The following FOXN3 variants were observed in gnomAD, a reference collection of about 807,000 sequenced individuals.
FOXN3 encodes forkhead box N3, also known as forkhead box protein N3.
A neutral mutation model predicts 38.4 loss-of-function variants in FOXN3; 7 were observed. The ratio of observed to expected loss-of-function variants is 0.18; its 90% CI spans 0.10 to 0.34. The LOEUF (loss-of-function observed/expected upper bound fraction) is 0.34, where lower values mean the gene tolerates loss of function less well. FOXN3 is among the 10% of genes least tolerant of loss of function. The probability of loss-of-function intolerance (pLI) is 1.00; values close to 1 mark genes in which losing one functional copy is unlikely to be tolerated. For synonymous variants in FOXN3, 230 were observed against 242.2 expected (o/e 0.95, Z 0.47); for missense variants, 456 against 613.4 (o/e 0.74, Z 2.71).
rs553967301 is a variant in FOXN3, at chr14:89,372,053, C to T, written c.544-21245G>A. Reference sequence around the variant, plus strand: ...CCACAGTTTCTTCTTTCTGAGTGTGCCATCTGTCTTCTGCCAGGACCGTGA... The same window carrying T: ...CCACAGTTTCTTCTTTCTGAGTGTGTCATCTGTCTTCTGCCAGGACCGTGA... On this transcript the variant is annotated intron_variant, in intron 2 of 5. Transcript: ENST00000557258. Among the ~76,000 whole-genome samples the T allele has an allele frequency of 5.9e-5, 9 of 152,122 alleles. No homozygotes were observed. The South Asian group carries it at 8.3e-4, about 14-fold the overall frequency.
At chr14:89,350,179 C>G (rs949354660) in intron 3 of FOXN3, 1 of 152,206 alleles carries the variant, frequency 6.6e-6, no homozygotes, top group African/African-American at 2.4e-5. Context: ...TTCTACTGTT[C>G]TCCTTGAAGA....
chr14:89,329,766 G>C (rs1175326389), intron 3 of FOXN3, among the ~76,000 whole-genome samples: 5 of 144,092 alleles, frequency 3.5e-5, no homozygotes, highest in African/African-American at 1.3e-4. Context: ...TGAGGCAGGA[G>C]AATGCTGTGA....
rs567812336 is a variant in FOXN3 at position 89,365,625 on chromosome 14, C to A, written c.544-14817G>T. On this transcript the variant is annotated intron_variant, in intron 2 of 5. Coordinates refer to ENST00000557258, the MANE Select transcript of FOXN3 (RefSeq NM_005197.4). The stretch of plus-strand genomic sequence containing the variant: ...TTTAGCAAATAAGGGTTTAACTCTT[C>A]TTCTCCATCTGAAACCTCATCGCAT... 9.2e-5 allele frequency among the ~76,000 whole-genome samples: 14 copies of A among 152,298 alleles called. No individual in the cohort carries two copies. The South Asian group carries it at 2.1e-3, about 23-fold the overall frequency.
Position 89,367,701 on chromosome 14 carries a change from GA to G in FOXN3, c.544-16894del, listed in dbSNP as rs562786134. Among the ~76,000 whole-genome samples, 93 of 152,192 alleles carry G rather than the reference GA, an allele frequency of 6.1e-4. 1 individual carries two copies. Among genetic ancestry groups the G allele is most frequent in the South Asian group, 2.7e-3 (13 of 4,824 alleles). ...GATGGAGGAAAAAATTAAACAAACA[GA>G]ATCTACCCAGAAAGACCAACTGACC... On this transcript the variant is annotated intron_variant, in intron 2 of 5. Coordinates refer to ENST00000557258, the MANE Select transcript of FOXN3 (RefSeq NM_005197.4).
In FOXN3 at chr14:89,329,692, C is replaced by T. The variant is rs1249629658; in HGVS notation, c.680+20980G>A. Among the ~76,000 whole-genome samples the T allele has an allele frequency of 2.0e-5, 3 of 151,950 alleles. No homozygotes were observed. In the East Asian group the frequency reaches 5.8e-4, roughly 29 times the overall value. On this transcript the variant is annotated intron_variant, in intron 3 of 5. Transcript: ENST00000557258. ...CTAACATGGTGAAACCCTGTCTCTA[C>T]TAAAAATACAAAACAAATTAGCCGG... is the stretch of plus-strand genomic sequence containing the variant.
At chr14:89,472,356 C>T (rs1893114123) in intron 1 of FOXN3, among the ~76,000 whole-genome samples, 1 of 152,064 alleles carries the variant, frequency 6.6e-6, no homozygotes, top group South Asian at 2.1e-4. Context: ...GACACATGTG[C>T]ACAACTCAGC....
intron 3 of FOXN3, among the ~76,000 whole-genome samples, chr14:89,324,351 T>C (rs1422410156): frequency 6.6e-6 from 1 of 152,072 alleles, no homozygotes; most frequent in Admixed American, 6.5e-5. Flanking sequence ...ACTTAGGCTT[T>C]TGAAATATTG....
chr14:89,578,788 T>A (rs1017971736), intron 1 of FOXN3, among the ~76,000 whole-genome samples: 3 of 152,188 alleles, frequency 2.0e-5, no homozygotes, highest in Admixed American at 6.5e-5. Flanking sequence ...TCCTAGACAC[T>A]GTCACTCCTC....
At chr14:89,571,882 A>G (rs978212621) in intron 1 of FOXN3, among the ~76,000 whole-genome samples, 58 of 152,340 alleles carry the variant, frequency 3.8e-4, no homozygotes, top group African/African-American at 1.3e-3. Flanking sequence ...ACTGAGTAGC[A>G]TGGTCCTTGA....
At chr14:89,333,581 G>C (rs1163573146) in intron 3 of FOXN3, among the ~76,000 whole-genome samples, 1 of 151,552 alleles carries the variant, frequency 6.6e-6, no homozygotes, top group Non-Finnish European at 1.5e-5. Flanking sequence ...CCAACATGGT[G>C]AAACCACATC....
At chr14:89,272,058 C>G (rs1886164202) in intron 4 of FOXN3, among the ~76,000 whole-genome samples, 1 of 152,132 alleles carries the variant, frequency 6.6e-6, no homozygotes, top group Admixed American at 6.5e-5. Context: ...GCCTGTAATC[C>G]CAACACTTTG....
intron 1 of FOXN3, among the ~76,000 whole-genome samples, chr14:89,514,351 T>A (rs2139812890): frequency 6.6e-6 from 1 of 152,336 alleles, no homozygotes; most frequent in Non-Finnish European, 1.5e-5. Context: ...CAATCAGACT[T>A]GAGACCTTAG....
chr14:89,455,661 C>T (rs1363389546), intron 1 of FOXN3, among the ~76,000 whole-genome samples: 4 of 152,118 alleles, frequency 2.6e-5, no homozygotes, highest in Non-Finnish European at 4.4e-5. Context: ...AGGGCGGGAC[C>T]GGACCTGAGG....
chr14:89,442,265 T>G (rs1892402753), intron 1 of FOXN3, among the ~76,000 whole-genome samples: 1 of 152,124 alleles, frequency 6.6e-6, no homozygotes. Context: ...AACATTCAAA[T>G]CATCCAACCT....
intron 1 of FOXN3, among the ~76,000 whole-genome samples, chr14:89,545,758 G>T (rs981335882): frequency 6.6e-6 from 1 of 152,152 alleles, no homozygotes; most frequent in East Asian, 1.9e-4. Flanking sequence ...AGCTTGTGAA[G>T]GTAACTGATC....
intron 1 of FOXN3, among the ~76,000 whole-genome samples, chr14:89,521,602 A>T (rs1894319798): frequency 6.6e-6 from 1 of 152,188 alleles, no homozygotes; most frequent in African/African-American, 2.4e-5. Flanking sequence ...GTCAATATGA[A>T]GAAATAATGG....
At chr14:89,445,702 G>A (rs1016684134) in intron 1 of FOXN3, among the ~76,000 whole-genome samples, 6 of 152,028 alleles carry the variant, frequency 3.9e-5, no homozygotes, top group Non-Finnish European at 5.9e-5. Context: ...CTCAAAACCT[G>A]GGCTGGAGGC....
chr14:89,305,163 G>C (rs1286547769), intron 3 of FOXN3, among the ~76,000 whole-genome samples: 2 of 152,172 alleles, frequency 1.3e-5, no homozygotes, highest in African/African-American at 4.8e-5. Flanking sequence ...CCGGGTGCTG[G>C]TGTCTGTACC....
intron 1 of FOXN3, among the ~76,000 whole-genome samples, chr14:89,482,909 G>GAAAA (rs10671899): frequency 5.6e-5 from 8 of 144,104 alleles, no homozygotes; most frequent in African/African-American, 7.8e-5. Context: ...GACCCTGTAT[G>GAAAA]AAAAAAAAAA....
Sources: allele counts gnomAD v4.1 joint callset (sites outside exome capture counted in the v4.1 genomes callset), GRCh38; gene constraint gnomAD v4.1.1; transcripts MANE v1.5; gene names NCBI Gene and HGNC (gene_info 2026-07-23, HGNC 2026-07-21).